The following EPB42 variants were observed in gnomAD, a reference collection of about 807,000 sequenced individuals.
EPB42 encodes the protein protein 4.2.
In EPB42, 49 loss-of-function variants were observed where a neutral mutation model predicts 76.9. The ratio of observed to expected loss-of-function variants is 0.64; its 90% CI spans 0.51 to 0.81. EPB42 has a LOEUF of 0.81. Among genes scored for constraint, EPB42 ranks in the 30% least tolerant of loss-of-function variants. The probability of loss-of-function intolerance (pLI) is 0.00; values close to 1 mark genes in which losing one functional copy is unlikely to be tolerated. For synonymous variants in EPB42, 310 were observed against 338.4 expected (o/e 0.92, Z 0.92); for missense variants, 731 against 867.6 (o/e 0.84, Z 1.98).
upstream of EPB42, among the ~76,000 whole-genome samples, chr15:43,224,371 A>G (rs1016424776): frequency 3.9e-5 from 6 of 152,222 alleles, no homozygotes; most frequent in Non-Finnish European, 1.5e-5. Context: ...TGGGGAGGAC[A>G]CAATTCAGTC....
Position 43,198,167 on chromosome 15 carries a change from C to T in EPB42, c.1914-703G>A, listed in dbSNP as rs138076173. 2.3e-3 allele frequency among the ~76,000 whole-genome samples: 356 copies of T among 152,174 alleles called. 1 individual carries two copies. The Middle Eastern group carries it at 0.037, about 16-fold the overall frequency. On this transcript the variant is annotated intron_variant, in intron 12 of 12. Transcript: ENST00000441366. ...AGTGGGGCATGGCTGAAAAGATACC[C>T]GAAAATGTGGAAGTGACTTTGGAAC...
chr15:43,197,248 T>C lies in EPB42; in HGVS notation c.*54A>G. 1 of 1,611,000 alleles carries C rather than the reference T, an allele frequency of 6.2e-7. No homozygotes were observed. Among genetic ancestry groups the C allele is most frequent in the Non-Finnish European group, 8.5e-7 (1 of 1,177,456 alleles). On this transcript the variant is annotated 3_prime_UTR_variant, in exon 13 of 13. Coordinates refer to ENST00000441366, the MANE Select transcript of EPB42 (RefSeq NM_001114134.2). ...AAAGTTTCTCTTCCTAGCACATGTTTGGTTTAGATTGTAGAACAAGGGTTG... is the reference window on the plus strand; with the variant it reads ...AAAGTTTCTCTTCCTAGCACATGTTCGGTTTAGATTGTAGAACAAGGGTTG...
chr15:43,207,265 T>C lies in EPB42; in HGVS notation c.1252A>G (p.Ile418Val), dbSNP rs1158265845. The C allele has an allele frequency of 1.2e-6, 2 of 1,614,198 alleles. No individual in the cohort carries two copies. The highest frequency in any genetic ancestry group is 1.7e-5 in the Admixed American group (1 of 60,024). ...TCACTGCCCACACCCTTGGTGCTGA[T>C]GTTGTTGCCAACATACTTTGTGTTG... ...DSNTKYVGNNISTKGVGSDRC... is the reference protein window; with the variant it reads ...DSNTKYVGNNVSTKGVGSDRC... The change falls in exon 9 of 13, where the codon ATC (isoleucine) becomes GTC (valine). Residue 418 changes from isoleucine to valine, a missense_variant. Coordinates refer to ENST00000441366, the MANE Select transcript of EPB42 (RefSeq NM_001114134.2).
chr15:43,211,559 G>GGACCCCCACA, intron 3 of EPB42, 25 bp from the exon 4 acceptor site: 1 of 1,460,066 alleles, frequency 6.8e-7, no homozygotes, highest in Non-Finnish European at 9.6e-7. Flanking sequence ...GTAGGGATGA[G>GGACCCCCACA]GGCCTGTGGG....
intron 5 of EPB42, 131 bp downstream of exon 5, chr15:43,210,204 T>A (rs550035378): frequency 7.8e-5 from 64 of 822,340 alleles, no homozygotes; most frequent in South Asian, 7.6e-4. Flanking sequence ...CTGTAGGAAC[T>A]GTCCCCACAC....
At chr15:43,208,432 A>C in intron 7 of EPB42, 99 bp from the exon 8 acceptor site, 2 of 1,422,254 alleles carry the variant, frequency 1.4e-6, no homozygotes, top group East Asian at 4.6e-5. Context: ...TTCCAGTGGG[A>C]TGGGAGGTCA....
Position 43,208,715 on chromosome 15 carries a change from G to A in EPB42, c.893C>T (p.Thr298Ile). The change falls in exon 7 of 13, where the codon ACC becomes ATC. Residue 298 changes from threonine (T) to isoleucine (I), a missense_variant. Thr to Ile is a moderately conservative substitution (Grantham distance 89). Transcript: ENST00000441366. The stretch of plus-strand genomic sequence containing the variant: ...TTCATCTATGAGAAGACGCCCACCG[G>A]TGCCCTGTGCTGAGGCAAACGTGGT... ...VVTTFASAQG[T>I]GGRLLIDEYY... 6.2e-7 allele frequency: 1 copy of A among 1,614,176 alleles called. No individual in the cohort carries two copies. The highest frequency in any genetic ancestry group is 8.5e-7 in the Non-Finnish European group (1 of 1,180,026).
intron 12 of EPB42, among the ~76,000 whole-genome samples, chr15:43,200,545 A>C (rs1161816479): frequency 6.6e-6 from 1 of 152,224 alleles, no homozygotes; most frequent in Admixed American, 6.5e-5. Context: ...CTTACTGAGA[A>C]GAAAACATAA....
rs515726212 is a variant in EPB42, at chr15:43,208,749, G to A, written c.859C>T (p.Arg287Cys). Residue 287 changes from arginine (R) to cysteine (C), a missense_variant, in exon 7 of 13, where the codon CGC (arginine) becomes TGC (cysteine). Coordinates refer to ENST00000441366, the MANE Select transcript of EPB42 (RefSeq NM_001114134.2). Reference sequence around the variant, plus strand: ...GCTGAGGCAAACGTGGTCACCACGCGGGCAGGGATTCCCAGGCATCGCAGC... The same window carrying A: ...GCTGAGGCAAACGTGGTCACCACGCAGGCAGGGATTCCCAGGCATCGCAGC... ...TVLRCLGIPA[R>C]VVTTFASAQG... 85 of 1,614,042 alleles carry A rather than the reference G, an allele frequency of 5.3e-5. 1 individual carries two copies. The highest frequency in any genetic ancestry group is 1.8e-4 in the East Asian group (8 of 44,896).
At chr15:43,201,557 C>T (rs1328326908) in intron 12 of EPB42, among the ~76,000 whole-genome samples, 4 of 152,212 alleles carry the variant, frequency 2.6e-5, no homozygotes, top group Non-Finnish European at 5.9e-5. Flanking sequence ...CCCTAATGCC[C>T]TCGCCTATAT....
chr15:43,224,790 GT>G (rs1403272498), upstream of EPB42, among the ~76,000 whole-genome samples: 4 of 152,142 alleles, frequency 2.6e-5, no homozygotes, highest in African/African-American at 9.7e-5. Context: ...TTGTTTATTT[GT>G]TTTGAGACAG....
intron 2 of EPB42, 29 bp downstream of exon 2, chr15:43,216,239 C>T (rs1256800297): frequency 6.2e-7 from 1 of 1,612,446 alleles, no homozygotes; most frequent in Admixed American, 1.7e-5. Context: ...AGGCCTGCTG[C>T]CAAAGGAGTC....
intron 4 of EPB42, among the ~76,000 whole-genome samples, chr15:43,211,093 G>C (rs1214796452): frequency 6.6e-6 from 1 of 152,190 alleles, no homozygotes; most frequent in Non-Finnish European, 1.5e-5. Context: ...TTGGAACATG[G>C]GGCGGTTCAT....
At chr15:43,207,699 G>T (rs2042226386) in intron 8 of EPB42, among the ~76,000 whole-genome samples, 1 of 152,174 alleles carries the variant, frequency 6.6e-6, no homozygotes, top group Non-Finnish European at 1.5e-5. Flanking sequence ...AAGCTCAGAG[G>T]GTCATATTTA....
intron 12 of EPB42, among the ~76,000 whole-genome samples, chr15:43,200,247 C>G (rs2042106239): frequency 1.3e-5 from 2 of 152,094 alleles, no homozygotes; most frequent in Admixed American, 1.3e-4. Flanking sequence ...GTTGACAGTC[C>G]CTTCTCTTGA....
intron 1 of EPB42, 160 bp downstream of exon 1, chr15:43,220,656 C>T (rs1007771563): frequency 9.6e-7 from 1 of 1,038,044 alleles, no homozygotes; most frequent in South Asian, 1.3e-5. Context: ...CACACCCCCC[C>T]CCCACAGCCA....
At chr15:43,202,396 T>C (rs2042139915) in intron 11 of EPB42, among the ~76,000 whole-genome samples, 1 of 152,148 alleles carries the variant, frequency 6.6e-6, no homozygotes, top group African/African-American at 2.4e-5. Context: ...TTTGCTGTCT[T>C]CTTCTGTCTT....
chr15:43,225,631 C>G (rs1411339053), upstream of EPB42, among the ~76,000 whole-genome samples: 1 of 152,140 alleles, frequency 6.6e-6, no homozygotes, highest in Non-Finnish European at 1.5e-5. Flanking sequence ...CACCAAGGAG[C>G]TTCTATTCCA....
At chr15:43,210,265 G>C in intron 5 of EPB42, 70 bp downstream of exon 5, 1 of 1,372,008 alleles carries the variant, frequency 7.3e-7, no homozygotes, top group Non-Finnish European at 1.0e-6. Context: ...GGCCACGGTG[G>C]TGGGGCAGGT....
Sources: gnomAD v4.1 joint callset for allele counts (sites outside exome capture counted in the v4.1 genomes callset) on GRCh38, gnomAD v4.1.1 for gene constraint, MANE v1.5 for transcripts, NCBI Gene and HGNC (gene_info 2026-07-23, HGNC 2026-07-21) for gene names.